Variants in CDK5RAP3 observed in about 807,000 individuals in gnomAD.
CDK5RAP3 encodes CDK5 regulatory subunit associated protein 3.
A neutral mutation model predicts 73.3 loss-of-function variants in CDK5RAP3; 58 were observed. The ratio of observed to expected loss-of-function variants is 0.79; its 90% CI spans 0.64 to 0.98. The LOEUF is 0.98. CDK5RAP3 is among the 50% of genes least tolerant of loss of function. CDK5RAP3 has a pLI of 0.00. For missense variants in CDK5RAP3, 525 were observed against 615.8 expected (o/e 0.85, Z 1.56); for synonymous variants, 224 against 247.5 (o/e 0.91, Z 0.89).
At chr17:47,969,014 T>A (rs1260644376), upstream of CDK5RAP3, among the ~76,000 whole-genome samples, 1 of 152,176 alleles carries the variant, frequency 6.6e-6, no homozygotes, top group East Asian at 1.9e-4. Context: ...CAGTATGTTG[T>A]AAACTGTCAT....
At chr17:47,974,650 C>G in intron 5 of CDK5RAP3, 2 of 1,402,254 alleles carry the variant, frequency 1.4e-6, no homozygotes, top group Non-Finnish European at 1.9e-6. Flanking sequence ...GGAGGAGGTC[C>G]AGGCCGGTAG....
In CDK5RAP3 at chr17:47,978,972, T is replaced by C. The variant is rs71377333; in HGVS notation, c.1077+55T>C. The stretch of plus-strand genomic sequence containing the variant: ...GAGGCATGGCACCAGCACAGGTGGC[T>C]TCACTCCAGATGCCTGACCTGACCC... On this transcript the variant is annotated intron_variant, in intron 11 of 13. Transcript: ENST00000338399. The C allele has an allele frequency of 4.9e-3, 6,788 of 1,389,480 alleles. 244 individuals carry two copies. In the African/African-American group the frequency reaches 0.085, roughly 17 times the overall value. 86.1% of individuals were successfully genotyped at this position (1,389,480 alleles called of 1,614,324 possible).
chr17:47,978,450 AGGGC>A, intron 10 of CDK5RAP3: 1 of 188,132 alleles, frequency 5.3e-6, no homozygotes, highest in Non-Finnish European at 1.1e-5. Flanking sequence ...TTATGGTAGG[AGGGC>A]TCTAGGGGGA....
chr17:47,969,785 C>T (rs948841184), upstream of CDK5RAP3, among the ~76,000 whole-genome samples: 3 of 152,062 alleles, frequency 2.0e-5, no homozygotes, highest in Non-Finnish European at 4.4e-5. Context: ...ATTATAGACC[C>T]AAGTGCCTTC....
At chr17:47,976,070 C>G (rs1302819063) in intron 8 of CDK5RAP3, 57 bp downstream of exon 8, 10 of 1,576,914 alleles carry the variant, frequency 6.3e-6, no homozygotes, top group Non-Finnish European at 7.8e-6. Flanking sequence ...TTGTCCCCTC[C>G]CCACCCCCAA....
rs189165996 is a variant in CDK5RAP3 at position 47,981,642 on chromosome 17, A to T, written c.*140A>T. On this transcript the variant is annotated 3_prime_UTR_variant, in exon 14 of 14. Coordinates refer to ENST00000338399, the MANE Select transcript of CDK5RAP3 (RefSeq NM_176096.3). Reference sequence around the variant, plus strand: ...AGCCACAGGAAGGAAGCGGCACCTGATGGTGATCTTGGCACTCTCCATGTT... The same window carrying T: ...AGCCACAGGAAGGAAGCGGCACCTGTTGGTGATCTTGGCACTCTCCATGTT... The T allele has an allele frequency of 2.0e-4, 312 of 1,557,722 alleles. 1 individual carries two copies. The highest frequency in any genetic ancestry group is 2.2e-4 in the Non-Finnish European group (256 of 1,155,590).
intron 10 of CDK5RAP3, 144 bp from the exon 11 acceptor site, chr17:47,978,685 A>T (rs2036480511): frequency 4.8e-6 from 3 of 627,524 alleles, no homozygotes; most frequent in Non-Finnish European, 8.5e-6. Flanking sequence ...GGGACAAGGT[A>T]GCCTTCCCCC....
upstream of CDK5RAP3, among the ~76,000 whole-genome samples, chr17:47,968,124 C>T (rs568054603): frequency 1.3e-5 from 2 of 152,196 alleles, no homozygotes; most frequent in Admixed American, 1.3e-4. Flanking sequence ...GCCCCGAGCA[C>T]ATAGTTGGGG....
chr17:47,970,546 C>T (rs900965157), upstream of CDK5RAP3: 13 of 877,652 alleles, frequency 1.5e-5, no homozygotes, highest in African/African-American at 1.8e-4. Context: ...TGTAGGTGTT[C>T]TCTTTGGGAC....
chr17:47,978,144 G>A (rs1255921223), intron 10 of CDK5RAP3: 6 of 372,800 alleles, frequency 1.6e-5, no homozygotes, highest in Non-Finnish European at 2.9e-5. Flanking sequence ...ATCTCAGCTC[G>A]CTGCAACCTC....
upstream of CDK5RAP3, chr17:47,970,806 C>T: frequency 7.0e-7 from 1 of 1,435,944 alleles, no homozygotes; most frequent in Non-Finnish European, 9.4e-7. Context: ...CAGTGCCCGC[C>T]AGGGGAAGCG....
chr17:47,981,609 A>G lies in CDK5RAP3; in HGVS notation c.*107A>G, dbSNP rs948427392. 62 of 1,601,238 alleles carry G rather than the reference A, an allele frequency of 3.9e-5. No individual in the cohort carries two copies. Among genetic ancestry groups the G allele is most frequent in the Non-Finnish European group, 4.6e-5 (54 of 1,175,634 alleles). On this transcript the variant is annotated 3_prime_UTR_variant, in exon 14 of 14. Coordinates refer to ENST00000338399, the MANE Select transcript of CDK5RAP3 (RefSeq NM_176096.3). ...AAGGCAAAAGACCAGGCTGACTGGA[A>G]GATGGAAAGCCACAGGAAGGAAGCG...
At chr17:47,977,294 G>A (rs181520226) in intron 9 of CDK5RAP3, among the ~76,000 whole-genome samples, 50 of 152,176 alleles carry the variant, frequency 3.3e-4, no homozygotes, top group Admixed American at 7.2e-4. Flanking sequence ...GACTACAGGC[G>A]CCCGCCACCA....
Position 47,973,995 on chromosome 17 carries a change from G to A in CDK5RAP3, c.249G>A (p.Lys83=). 1 of 1,614,128 alleles carries A rather than the reference G, an allele frequency of 6.2e-7. No homozygotes were observed. The highest frequency in any genetic ancestry group is 8.5e-7 in the Non-Finnish European group (1 of 1,179,974). The change falls in exon 4 of 14, where the codon AAG becomes AAA. Residue 83 remains lysine (K), a synonymous_variant. Coordinates refer to ENST00000338399, the MANE Select transcript of CDK5RAP3 (RefSeq NM_176096.3). ...DLLKGTEAST[K]NIFGRYSSQR... is the part of the protein sequence containing the mutation. ...TCAAAGGCACAGAGGCCTCCACGAAGAATATTTTTGGCCGATACTCTTCAC... is the reference window on the plus strand; with the variant it reads ...TCAAAGGCACAGAGGCCTCCACGAAAAATATTTTTGGCCGATACTCTTCAC...
chr17:47,970,119 C>T (rs892924170), upstream of CDK5RAP3, among the ~76,000 whole-genome samples: 2 of 152,190 alleles, frequency 1.3e-5, no homozygotes, highest in African/African-American at 4.8e-5. Context: ...TCCCATGCAT[C>T]CATCATCCCA....
intron 10 of CDK5RAP3, chr17:47,978,528 G>A (rs1598228207): frequency 5.5e-6 from 2 of 366,552 alleles, no homozygotes; most frequent in East Asian, 5.3e-5. Flanking sequence ...TGGTGTCTGA[G>A]CCACTAGAGG....
At chr17:47,969,093 T>C (rs1171935513), upstream of CDK5RAP3, among the ~76,000 whole-genome samples, 1 of 152,222 alleles carries the variant, frequency 6.6e-6, no homozygotes, top group Non-Finnish European at 1.5e-5. Context: ...GTTATCTCCA[T>C]GTGGGGAAAC....
At chr17:47,973,044 T>G (rs2036306409) in intron 2 of CDK5RAP3, among the ~76,000 whole-genome samples, 1 of 152,180 alleles carries the variant, frequency 6.6e-6, no homozygotes, top group Non-Finnish European at 1.5e-5. Flanking sequence ...TGTTATCTAG[T>G]CCTTAGGGCG....
chr17:47,971,239 C>T, intron 1 of CDK5RAP3, 87 bp downstream of exon 1: 1 of 1,532,416 alleles, frequency 6.5e-7, no homozygotes, highest in South Asian at 1.2e-5. Context: ...CGGCTCAACC[C>T]AGCCCATCGC....
Sources: allele counts gnomAD v4.1 joint callset (sites outside exome capture counted in the v4.1 genomes callset), GRCh38; gene constraint gnomAD v4.1.1; transcripts MANE v1.5; gene names NCBI Gene and HGNC (gene_info 2026-07-23, HGNC 2026-07-21).